PLEKHA7: variants seen among roughly 807,000 people sequenced by gnomAD.
PLEKHA7 encodes the protein pleckstrin homology domain-containing family A member 7.
PLEKHA7 carries 104 observed loss-of-function variants against 170.0 expected under a neutral mutation model. The observed-to-expected ratio is 0.61, with a 90% CI of 0.52 to 0.72. The LOEUF is 0.72. PLEKHA7 is among the 30% of genes least tolerant of loss of function. The pLI, the probability that PLEKHA7 is intolerant of heterozygous loss-of-function variation, is 0.00. For missense variants in PLEKHA7, 1,615 were observed against 1,671.7 expected (o/e 0.97, Z 0.59); for synonymous variants, 648 against 660.8 (o/e 0.98, Z 0.30).
chr11:17,014,361 T>C lies in PLEKHA7; in HGVS notation c.41A>G (p.His14Arg). 7.2e-7 allele frequency: 1 copy of C among 1,385,720 alleles called. No individual in the cohort carries two copies. The allele number at this position is 1,385,720 out of a possible 1,614,324, so 85.8% of individuals were successfully genotyped here. ...ATCCCGGCACACCCCGTAGGACCAA[T>C]GCTCAGGTAAAGTGTCCCGCCCGAC... ...ATVGRDTLPE[H>R]WSYGVCRDGR... Residue 14 changes from histidine to arginine, a missense_variant, in exon 1 of 27, where the codon CAT becomes CGT. By Grantham distance (29) the His-to-Arg change is conservative. Transcript: ENST00000531066.
chr11:16,914,931 T>C (rs1292229799), intron 3 of PLEKHA7, among the ~76,000 whole-genome samples: 1 of 152,172 alleles, frequency 6.6e-6, no homozygotes, highest in Non-Finnish European at 1.5e-5. Flanking sequence ...TTCATGTCTT[T>C]GGAGAAAACA....
At position 16,866,104 on chromosome 11, in the gene PLEKHA7, C is replaced by T. The variant is rs929177368; in HGVS notation, c.305+4995G>A. Among the ~76,000 whole-genome samples the T allele has an allele frequency of 3.3e-5, 5 of 149,642 alleles. No individual in the cohort carries two copies. The East Asian group carries it at 1.1e-3, about 32-fold the overall frequency. On this transcript the variant is annotated intron_variant, in intron 4 of 26. Transcript: ENST00000531066. Reference sequence around the variant, plus strand: ...TTGGCCTCCCAAAGTGCTGGGATTACAGGTGTGAGCCACTGCACCCAGCCC... The same window carrying T: ...TTGGCCTCCCAAAGTGCTGGGATTATAGGTGTGAGCCACTGCACCCAGCCC...
chr11:16,986,510 C>T (rs1313424443), intron 3 of PLEKHA7, among the ~76,000 whole-genome samples: 1 of 152,148 alleles, frequency 6.6e-6, no homozygotes, highest in Non-Finnish European at 1.5e-5. Flanking sequence ...ACACCTTGCC[C>T]ACAGTCACCA....
chr11:16,892,231 A>C (rs1423088193), intron 3 of PLEKHA7, among the ~76,000 whole-genome samples: 4 of 152,220 alleles, frequency 2.6e-5, no homozygotes, highest in African/African-American at 9.6e-5. Flanking sequence ...GTGAGTCAAG[A>C]GATATCTGAA....
At chr11:16,969,609 C>T (rs1862587671) in intron 3 of PLEKHA7, among the ~76,000 whole-genome samples, 1 of 152,146 alleles carries the variant, frequency 6.6e-6, no homozygotes, top group South Asian at 2.1e-4. Flanking sequence ...AACTGTTCAG[C>T]CACCACGCTC....
In PLEKHA7 at chr11:16,794,529, T is replaced by C; in HGVS notation, c.2704A>G (p.Thr902Ala). Residue 902 changes from threonine (T) to alanine (A), a missense_variant, in exon 19 of 27, where the codon ACA (threonine) becomes GCA (alanine). Physicochemically the swap from Thr to Ala is moderately conservative, Grantham distance 58. Transcript: ENST00000531066. The stretch of plus-strand genomic sequence containing the variant: ...TTAGTTGGTGACTGAAGGGGGGATG[T>C]CACTTTCCTCAGCTGGGGTGGGTGA... Reference protein sequence around the residue: ...RPHPPQLRKVTSPLQSPTKAK... With the variant: ...RPHPPQLRKVASPLQSPTKAK... The C allele has an allele frequency of 1.2e-6, 2 of 1,613,978 alleles. No individual in the cohort carries two copies. The highest frequency in any genetic ancestry group is 1.7e-6 in the Non-Finnish European group (2 of 1,180,008).
At chr11:16,858,866 C>A (rs937215767) in intron 4 of PLEKHA7, among the ~76,000 whole-genome samples, 6 of 152,132 alleles carry the variant, frequency 3.9e-5, no homozygotes, top group Non-Finnish European at 8.8e-5. Context: ...ACTTGACACC[C>A]CCCAAACCCA....
At chr11:16,904,584 T>C (rs1857535783) in intron 3 of PLEKHA7, among the ~76,000 whole-genome samples, 1 of 152,208 alleles carries the variant, frequency 6.6e-6, no homozygotes, top group African/African-American at 2.4e-5. Flanking sequence ...TAAGCCAAAA[T>C]GTTAATTCTA....
At chr11:16,780,975 C>A (rs974673301) in intron 26 of PLEKHA7, 2 of 985,818 alleles carry the variant, frequency 2.0e-6, no homozygotes, top group African/African-American at 3.5e-5. Flanking sequence ...TAGTGGAGTC[C>A]GTTGGTAAAA....
At chr11:16,812,970 T>G in intron 13 of PLEKHA7, 143 bp downstream of exon 13, 1 of 618,376 alleles carries the variant, frequency 1.6e-6, no homozygotes, top group South Asian at 2.4e-5. Context: ...AAAGTTCTTC[T>G]GATTCAAGAT....
Position 16,907,806 on chromosome 11 carries a change from T to C in PLEKHA7, c.222-36624A>G, listed in dbSNP as rs1178248417. Among the ~76,000 whole-genome samples the C allele has an allele frequency of 3.4e-5, 5 of 145,648 alleles. No individual in the cohort carries two copies. The South Asian group carries it at 7.0e-4, about 20-fold the overall frequency. ...GAACGGGCCATGATGACAATGGCGG[T>C]TTTGTGGAATAGAAAGGGGGGAAAG... is the stretch of plus-strand genomic sequence containing the variant. On this transcript the variant is annotated intron_variant, in intron 3 of 26. Transcript: ENST00000531066.
intron 3 of PLEKHA7, among the ~76,000 whole-genome samples, chr11:16,967,488 G>C (rs1393035970): frequency 6.6e-6 from 1 of 152,218 alleles, no homozygotes; most frequent in African/African-American, 2.4e-5. Flanking sequence ...CTGCCACACA[G>C]GGGAAGGTGA....
intron 17 of PLEKHA7, among the ~76,000 whole-genome samples, chr11:16,799,581 T>C (rs1486565845): frequency 6.6e-6 from 1 of 152,138 alleles, no homozygotes; most frequent in East Asian, 1.9e-4. Flanking sequence ...AAAAAATTAC[T>C]GCTAAAAAAA....
At chr11:16,841,939 C>A (rs2057788) in intron 8 of PLEKHA7, among the ~76,000 whole-genome samples, 24,468 of 152,120 alleles carry the variant, frequency 0.16, 2,377 homozygotes, top group African/African-American at 0.27. Context: ...AAGCCTGCAG[C>A]TGTAACTGTT....
At chr11:16,969,668 TAAG>T (rs1380869877) in intron 3 of PLEKHA7, among the ~76,000 whole-genome samples, 1 of 152,170 alleles carries the variant, frequency 6.6e-6, no homozygotes, top group Admixed American at 6.5e-5. Flanking sequence ...TAATCTCCCC[TAAG>T]AAGAGATGTA....
Position 16,783,705 on chromosome 11 carries a change from C to T in PLEKHA7, c.3645G>A (p.Arg1215=). Residue 1215 remains arginine (R), a synonymous_variant, in exon 25 of 27, where the codon CGG becomes CGA. Coordinates refer to ENST00000531066, the MANE Select transcript of PLEKHA7 (RefSeq NM_001329630.2). ...KAEKIRNILA[R]SSMCNLQPTS... is the part of the protein sequence containing the mutation. Reference sequence around the variant, plus strand: ...TTGAGCAAGCGAGGGCTGACCTTGACCGGGCGAGGATGTTGCGGATCTTCT... The same window carrying T: ...TTGAGCAAGCGAGGGCTGACCTTGATCGGGCGAGGATGTTGCGGATCTTCT... 6.9e-7 allele frequency: 1 copy of T among 1,451,986 alleles called. No individual in the cohort carries two copies. Among genetic ancestry groups the T allele is most frequent in the Non-Finnish European group, 9.1e-7 (1 of 1,104,484 alleles). The allele number at this position is 1,451,986 out of a possible 1,614,324, so 89.9% of individuals were successfully genotyped here.
At chr11:16,954,667 G>A (rs960007504) in intron 3 of PLEKHA7, among the ~76,000 whole-genome samples, 6 of 151,300 alleles carry the variant, frequency 4.0e-5, no homozygotes, top group East Asian at 3.9e-4. Flanking sequence ...AAATATTAAC[G>A]ACATACTTTA....
chr11:16,785,769 C>T (rs1420649052), intron 24 of PLEKHA7, among the ~76,000 whole-genome samples: 1 of 152,160 alleles, frequency 6.6e-6, no homozygotes, highest in Admixed American at 6.5e-5. Context: ...CTGGAAATTT[C>T]GCCTGTGATT....
rs370097989 is a variant in PLEKHA7, at chr11:16,851,836, C to T, written c.595+447G>A. Among the ~76,000 whole-genome samples, 16 of 152,326 alleles carry T rather than the reference C, an allele frequency of 1.1e-4. No individual in the cohort carries two copies. The South Asian group carries it at 3.3e-3, about 32-fold the overall frequency. On this transcript the variant is annotated intron_variant, in intron 7 of 26. Coordinates refer to ENST00000531066, the MANE Select transcript of PLEKHA7 (RefSeq NM_001329630.2). ...CAATGATGGAATTCACTTCTCAGGC[C>T]CCCTGAACTGCTTTGAAAGCACCAG... is the stretch of plus-strand genomic sequence containing the variant.
Sources: allele counts gnomAD v4.1 joint callset (sites outside exome capture counted in the v4.1 genomes callset), GRCh38; gene constraint gnomAD v4.1.1; transcripts MANE v1.5; gene names NCBI Gene and HGNC (gene_info 2026-07-23, HGNC 2026-07-21).